GDA: variants seen among roughly 807,000 people sequenced by gnomAD.
The protein encoded by GDA is cytoplasmic PSD-95 interactor.
In GDA, 18 loss-of-function variants were observed where a neutral mutation model predicts 59.6. The observed-to-expected ratio is 0.30, with a 90% CI of 0.21 to 0.45. GDA has a LOEUF of 0.45. Ranked by LOEUF, GDA falls within the 20% of genes least tolerant of loss-of-function variation. GDA has a pLI of 1.00. For synonymous variants in GDA, 201 were observed against 201.1 expected (o/e 1.00, Z 0.00); for missense variants, 427 against 552.3 (o/e 0.77, Z 2.27).
intron 1 of GDA, among the ~76,000 whole-genome samples, chr9:72,139,992 A>C (rs921262611): frequency 6.6e-6 from 1 of 152,128 alleles, no homozygotes; most frequent in African/African-American, 2.4e-5. Flanking sequence ...GCTGCCCAGC[A>C]CCCATTCACC....
At chr9:72,127,181 G>C (rs1052698129) in intron 1 of GDA, among the ~76,000 whole-genome samples, 1 of 151,756 alleles carries the variant, frequency 6.6e-6, no homozygotes, top group Non-Finnish European at 1.5e-5. Context: ...ACTACTAAAC[G>C]GAGTAGAGTA....
chr9:72,254,585 C>A (rs573906457), downstream of GDA, among the ~76,000 whole-genome samples: 2 of 152,272 alleles, frequency 1.3e-5, no homozygotes, highest in South Asian at 4.1e-4. Context: ...AAGTCATAAG[C>A]AGTCAAATCA....
intron 1 of GDA, among the ~76,000 whole-genome samples, chr9:72,169,795 A>C (rs932798459): frequency 1.3e-5 from 2 of 152,250 alleles, no homozygotes; most frequent in Admixed American, 1.3e-4. Flanking sequence ...CTAGAATTAG[A>C]AATTATAAAA....
chr9:72,200,297 C>T (rs1284705648), intron 2 of GDA, among the ~76,000 whole-genome samples: 1 of 151,728 alleles, frequency 6.6e-6, no homozygotes, highest in Non-Finnish European at 1.5e-5. Context: ...TGCCCAGCCT[C>T]CTCTCCTTCT....
chr9:72,156,735 A>G (rs906938174), intron 1 of GDA, among the ~76,000 whole-genome samples: 1 of 152,114 alleles, frequency 6.6e-6, no homozygotes, highest in Non-Finnish European at 1.5e-5. Context: ...TGGTAATCCT[A>G]TCTCCATTTA....
At chr9:72,158,538 AG>A (rs1828217397) in intron 1 of GDA, among the ~76,000 whole-genome samples, 1 of 151,794 alleles carries the variant, frequency 6.6e-6, no homozygotes, top group Admixed American at 6.6e-5. Flanking sequence ...GCTTGCAGTG[AG>A]CTGAGATCAT....
intron 7 of GDA, among the ~76,000 whole-genome samples, chr9:72,224,719 G>A (rs892025980): frequency 6.6e-6 from 1 of 151,712 alleles, no homozygotes; most frequent in African/African-American, 2.4e-5. Flanking sequence ...GTGCTTTTAT[G>A]CCTTCTATAT....
Position 72,249,284 on chromosome 9 carries a change from A to T in GDA, c.*942A>T. 4.1e-6 allele frequency: 4 copies of T among 985,388 alleles called. No homozygotes were observed. The highest frequency in any genetic ancestry group is 4.8e-6 in the Non-Finnish European group (4 of 829,886). The allele number at this position is 985,388 out of a possible 1,614,324, so 61.0% of individuals were successfully genotyped here. A position where few individuals can be genotyped will look rare whatever the true frequency, so the allele number is the denominator to read the frequency against. On this transcript the variant is annotated 3_prime_UTR_variant, in exon 14 of 14. Coordinates refer to ENST00000358399, the MANE Select transcript of GDA (RefSeq NM_004293.5). ...TACTAACAGGACAGGTTCCATTGCC[A>T]TGGCCTATTCCACCCAAACAATATG...
At chr9:72,227,053 G>A (rs1837693317) in intron 8 of GDA, among the ~76,000 whole-genome samples, 1 of 152,164 alleles carries the variant, frequency 6.6e-6, no homozygotes, top group Non-Finnish European at 1.5e-5. Flanking sequence ...AGGAGGCGGA[G>A]CTTGCAGAGA....
At chr9:72,159,245 T>A (rs966162048) in intron 1 of GDA, among the ~76,000 whole-genome samples, 1 of 151,984 alleles carries the variant, frequency 6.6e-6, no homozygotes, top group Non-Finnish European at 1.5e-5. Flanking sequence ...AATACAAAAA[T>A]TAGCCAGGCA....
At chr9:72,138,219 A>T (rs1168436522) in intron 1 of GDA, among the ~76,000 whole-genome samples, 1 of 152,150 alleles carries the variant, frequency 6.6e-6, no homozygotes, top group Non-Finnish European at 1.5e-5. Context: ...GTTACCCAAG[A>T]GACTTCCCAC....
At position 72,213,891 on chromosome 9, in the gene GDA, T is replaced by A; in HGVS notation, c.478T>A (p.Phe160Ile). 1.3e-6 allele frequency: 2 copies of A among 1,578,794 alleles called. No individual in the cohort carries two copies. The highest frequency in any genetic ancestry group is 1.7e-6 in the Non-Finnish European group (2 of 1,148,050). The part of the protein sequence containing the change: ...SLLLADITDK[F>I]GQRAFVGKVC... Reference sequence around the variant, plus strand: ...TTTTTGTGTATACTTTACAGATAAATTTGGACAGCGGGCATTTGTGGGCAA... The same window carrying A: ...TTTTTGTGTATACTTTACAGATAAAATTGGACAGCGGGCATTTGTGGGCAA... The change falls in exon 5 of 14, where the codon TTT (phenylalanine) becomes ATT (isoleucine). Residue 160 changes from phenylalanine (F) to isoleucine (I), a missense_variant. By Grantham distance (21) the Phe-to-Ile change is conservative (BLOSUM62 0). Coordinates refer to ENST00000358399, the MANE Select transcript of GDA (RefSeq NM_004293.5).
chr9:72,148,179 T>G (rs1036026978), upstream of GDA, among the ~76,000 whole-genome samples: 5 of 152,196 alleles, frequency 3.3e-5, no homozygotes, highest in African/African-American at 1.2e-4. Context: ...GTTATTTGTC[T>G]CAGGTTATGG....
rs112713655 is a variant in GDA at position 72,150,318 on chromosome 9, T to TAC, written c.123+653_123+654dup. ...TCTCTCTCTCTTATACACACACGCG[T>TAC]ACACACACACACACACACGCACGCA... On this transcript the variant is annotated intron_variant, in intron 1 of 13. Coordinates refer to ENST00000358399, the MANE Select transcript of GDA (RefSeq NM_004293.5). Among the ~76,000 whole-genome samples, 237 of 149,280 alleles carry TAC rather than the reference T, an allele frequency of 1.6e-3. 1 individual carries two copies. Among genetic ancestry groups the TAC allele is most frequent in the Middle Eastern group, 3.5e-3 (1 of 286 alleles).
intron 4 of GDA, among the ~76,000 whole-genome samples, chr9:72,212,407 A>G (rs955497250): frequency 2.0e-5 from 3 of 151,890 alleles, no homozygotes; most frequent in Admixed American, 1.3e-4. Flanking sequence ...ACGTGAACCC[A>G]GGAGGCAGAG....
downstream of GDA, chr9:72,257,851 G>C (rs538512343): frequency 2.0e-5 from 3 of 152,050 alleles, no homozygotes; most frequent in Non-Finnish European, 4.4e-5. Flanking sequence ...AGGATGGCTT[G>C]AGCCTGAGAG....
At chr9:72,151,033 T>C (rs1827142139) in intron 1 of GDA, among the ~76,000 whole-genome samples, 4 of 152,222 alleles carry the variant, frequency 2.6e-5, no homozygotes, top group Admixed American at 6.5e-5. Context: ...TGGGTTTCTT[T>C]TTTAAAAATT....
chr9:72,236,099 A>G (rs1838956224), intron 10 of GDA, among the ~76,000 whole-genome samples: 1 of 152,200 alleles, frequency 6.6e-6, no homozygotes, highest in Non-Finnish European at 1.5e-5. Context: ...TCGAATTCTT[A>G]GATGTCAGAG....
At chr9:72,225,922 G>T (rs1281791930) in intron 8 of GDA, 138 bp downstream of exon 8, 4 of 529,284 alleles carry the variant, frequency 7.6e-6, no homozygotes, top group African/African-American at 3.9e-5. Context: ...ATTTTTGTGG[G>T]TACACAGAAA....
Sources: gnomAD v4.1 joint callset for allele counts (sites outside exome capture counted in the v4.1 genomes callset) on GRCh38, gnomAD v4.1.1 for gene constraint, MANE v1.5 for transcripts, NCBI Gene and HGNC (gene_info 2026-07-23, HGNC 2026-07-21) for gene names.